SPON1: variants seen among roughly 807,000 people sequenced by gnomAD.
SPON1 encodes the protein spondin-1.
In SPON1, 52 loss-of-function variants were observed where a neutral mutation model predicts 111.7. The observed-to-expected ratio is 0.47, with a 90% CI of 0.37 to 0.59. The LOEUF (loss-of-function observed/expected upper bound fraction) is 0.59, where lower values mean the gene tolerates loss of function less well. Ranked by LOEUF, SPON1 falls within the 20% of genes least tolerant of loss-of-function variation. The pLI, the probability that SPON1 is intolerant of heterozygous loss-of-function variation, is 0.00. For missense variants in SPON1, 957 were observed against 1,068.5 expected (o/e 0.90, Z 1.46); for synonymous variants, 410 against 395.8 (o/e 1.04, Z -0.43).
At chr11:14,066,977 A>C (rs1043231535) in intron 3 of SPON1, among the ~76,000 whole-genome samples, 1 of 152,162 alleles carries the variant, frequency 6.6e-6, no homozygotes, top group Non-Finnish European at 1.5e-5. Flanking sequence ...ATTCGAGACC[A>C]GCCTGGACAG....
intron 13 of SPON1, among the ~76,000 whole-genome samples, chr11:14,260,027 G>A (rs1554941746): frequency 1.3e-5 from 2 of 152,106 alleles, no homozygotes; most frequent in African/African-American, 4.8e-5. Context: ...ATACATTTAG[G>A]CGGGACATAC....
At chr11:14,078,114 T>C (rs1207592862) in intron 4 of SPON1, among the ~76,000 whole-genome samples, 1 of 152,252 alleles carries the variant, frequency 6.6e-6, no homozygotes, top group Admixed American at 6.5e-5. Context: ...GCCTGATTCA[T>C]TTTCAATAGG....
At chr11:14,051,377 A>G (rs544653609) in intron 3 of SPON1, among the ~76,000 whole-genome samples, 10 of 152,284 alleles carry the variant, frequency 6.6e-5, no homozygotes, top group Admixed American at 6.5e-5. Context: ...TCTACAAAAA[A>G]TAAACAAAAT....
intron 6 of SPON1, among the ~76,000 whole-genome samples, chr11:14,233,258 C>T (rs938830914): frequency 3.9e-5 from 6 of 152,122 alleles, no homozygotes; most frequent in East Asian, 1.9e-4. Context: ...AACGCTGAGC[C>T]GACCTGTAAA....
chr11:14,037,304 G>A (rs117052764), intron 2 of SPON1, among the ~76,000 whole-genome samples: 2,463 of 152,214 alleles, frequency 0.016, 43 homozygotes, highest in Admixed American at 0.053. Flanking sequence ...ATCCAGAGAA[G>A]AGTAAGGAGA....
chr11:14,256,914 C>A (rs535183410), intron 10 of SPON1, among the ~76,000 whole-genome samples: 2 of 152,306 alleles, frequency 1.3e-5, no homozygotes, highest in East Asian at 3.9e-4. Context: ...TACTCAACAA[C>A]ATCAGGCCTT....
intron 6 of SPON1, among the ~76,000 whole-genome samples, chr11:14,235,678 C>CAAAAAAAAAAA (rs56925967): frequency 4.2e-4 from 30 of 71,390 alleles, no homozygotes; most frequent in East Asian, 3.3e-3. Context: ...GACCCTGCCT[C>CAAAAAAAAAAA]AAAAAAAAAA....
At chr11:14,171,415 G>A (rs576846313) in intron 6 of SPON1, among the ~76,000 whole-genome samples, 12 of 152,114 alleles carry the variant, frequency 7.9e-5, no homozygotes, top group African/African-American at 2.4e-4. Flanking sequence ...GCAGTCTATC[G>A]ATTTTGTTGA....
chr11:14,097,501 T>C (rs1849110666), intron 5 of SPON1, among the ~76,000 whole-genome samples: 1 of 152,220 alleles, frequency 6.6e-6, no homozygotes, highest in Admixed American at 6.5e-5. Context: ...TTCTATCAGG[T>C]TATAATTAGT....
chr11:14,115,336 A>G (rs1043268166), intron 5 of SPON1, among the ~76,000 whole-genome samples: 1 of 152,208 alleles, frequency 6.6e-6, no homozygotes, highest in Admixed American at 6.5e-5. Flanking sequence ...CTATAGCTCA[A>G]AGCTTCACAT....
chr11:14,151,193 C>G (rs1479576423), intron 6 of SPON1, among the ~76,000 whole-genome samples: 4 of 152,200 alleles, frequency 2.6e-5, no homozygotes, highest in Non-Finnish European at 4.4e-5. Flanking sequence ...AGTTTTTCAG[C>G]TCTGTTATCC....
intron 5 of SPON1, among the ~76,000 whole-genome samples, chr11:14,091,663 T>G (rs947054030): frequency 6.6e-6 from 1 of 151,986 alleles, no homozygotes; most frequent in Admixed American, 6.5e-5. Flanking sequence ...GAACTCCAGC[T>G]GGCTCGCAAG....
At chr11:14,020,819 T>C (rs1554914735) in intron 2 of SPON1, among the ~76,000 whole-genome samples, 1 of 152,218 alleles carries the variant, frequency 6.6e-6, no homozygotes, top group African/African-American at 2.4e-5. Context: ...ACCAGCTGTG[T>C]GACCTCAGCT....
intron 2 of SPON1, among the ~76,000 whole-genome samples, chr11:13,985,880 C>A (rs558675640): frequency 6.6e-6 from 1 of 152,142 alleles, no homozygotes; most frequent in Non-Finnish European, 1.5e-5. Flanking sequence ...ATGCACACTC[C>A]GCTTGGGTTC....
At position 13,962,936 on chromosome 11, in the gene SPON1, G is replaced by A. The variant is rs1554907631; in HGVS notation, c.32G>A (p.Ser11Asn). 1.9e-6 allele frequency: 3 copies of A among 1,572,612 alleles called. No homozygotes were observed. Among genetic ancestry groups the A allele is most frequent in the East Asian group, 4.8e-5 (2 of 41,508 alleles). Residue 11 changes from serine (S) to asparagine (N), a missense_variant, in exon 1 of 16, where the codon AGC becomes AAC. Physicochemically the swap from Ser to Asn is conservative, Grantham distance 46. This residue lies in a region of SPON1 where 262 missense variants were observed against 253.9 expected (regional missense o/e 1.03). Coordinates refer to ENST00000576479, the MANE Select transcript of SPON1 (RefSeq NM_006108.4). MRLSPAPLKL[S>N]RTPALLALAL... ...CTGTCCCCGGCGCCCCTGAAGCTGA[G>A]CCGGACTCCGGCACTGCTGGCCCTG...
chr11:14,143,295 C>T (rs998730088), intron 6 of SPON1, among the ~76,000 whole-genome samples: 1 of 152,168 alleles, frequency 6.6e-6, no homozygotes, highest in African/African-American at 2.4e-5. Flanking sequence ...GGTGTGGTGG[C>T]TCATGCCTGT....
intron 4 of SPON1, among the ~76,000 whole-genome samples, chr11:14,076,350 G>A (rs984174425): frequency 6.6e-5 from 10 of 152,078 alleles, no homozygotes; most frequent in African/African-American, 2.4e-4. Context: ...TCCAACTATA[G>A]CAAAGTATAA....
At chr11:14,090,840 CCCCCG>C (rs1564903024) in intron 5 of SPON1, among the ~76,000 whole-genome samples, 91 of 36,480 alleles carry the variant, frequency 2.5e-3, no homozygotes, top group South Asian at 0.014. Flanking sequence ...CCCCCCCCCC[CCCCCG>C]CCCACATCCT....
intron 6 of SPON1, among the ~76,000 whole-genome samples, chr11:14,201,380 T>C (rs557138224): frequency 1.5e-4 from 22 of 151,444 alleles, no homozygotes; most frequent in African/African-American, 4.4e-4. Flanking sequence ...AACTACCAAC[T>C]TCATAGCATT....
Sources: gnomAD v4.1 joint callset for allele counts (sites outside exome capture counted in the v4.1 genomes callset) on GRCh38, gnomAD v4.1.1 for gene constraint, gnomAD v4.1.1 regional missense constraint, MANE v1.5 for transcripts, NCBI Gene and HGNC (gene_info 2026-07-23, HGNC 2026-07-21) for gene names.